The following ZNF679 variants were observed in gnomAD, a reference collection of about 807,000 sequenced individuals.
ZNF679 encodes zinc finger protein 679.
Under a neutral mutation model 13.4 loss-of-function variants are expected in ZNF679, and 10 were observed. The observed-to-expected ratio is 0.75, with a 90% CI of 0.46 to 1.27. The LOEUF (loss-of-function observed/expected upper bound fraction) is 1.27. Ranked by LOEUF, ZNF679 falls within the 50% of genes most tolerant of loss-of-function variation. The pLI is 0.00. For missense variants in ZNF679, 525 were observed against 477.8 expected, an observed-to-expected ratio of 1.10 and a Z score of -0.92; for synonymous variants, 179 against 162.5, an observed-to-expected ratio of 1.10 and a Z score of -0.77.
chr7:64,260,938 G>C lies in ZNF679; in HGVS notation c.262+9G>C. On this transcript the variant is annotated intron_variant, in intron 4 of 4. Coordinates refer to ENST00000421025, the MANE Select transcript of ZNF679 (RefSeq NM_153363.3). ...GGTAACCAAACACCCAGGTAAGTGAGAGTGGATGAAGCGGATGACACAGAT... is the reference window on the plus strand; with the variant it reads ...GGTAACCAAACACCCAGGTAAGTGACAGTGGATGAAGCGGATGACACAGAT... The C allele has an allele frequency of 1.2e-6, 2 of 1,607,830 alleles. No individual in the cohort carries two copies. Among genetic ancestry groups the C allele is most frequent in the Non-Finnish European group, 1.7e-6 (2 of 1,177,716 alleles).
chr7:64,247,886 C>T (rs184151408), intron 1 of ZNF679, among the ~76,000 whole-genome samples: 1 of 151,924 alleles, frequency 6.6e-6, no homozygotes, highest in Non-Finnish European at 1.5e-5. Flanking sequence ...TAATATTTGG[C>T]TACTAGCACA....
chr7:64,264,685 G>T (rs1000518646), intron 4 of ZNF679, among the ~76,000 whole-genome samples: 2 of 151,508 alleles, frequency 1.3e-5, no homozygotes, highest in Non-Finnish European at 2.9e-5. Flanking sequence ...TTTGACCATT[G>T]TACACAGTTC....
At chr7:64,256,094 T>G (rs564182401) in intron 2 of ZNF679, among the ~76,000 whole-genome samples, 1 of 152,298 alleles carries the variant, frequency 6.6e-6, no homozygotes, top group African/African-American at 2.4e-5. Flanking sequence ...TGAACTGGGC[T>G]TCAGTGTCTG....
rs554931433 is a variant in ZNF679 at position 64,235,310 on chromosome 7, A to G, written c.-91+6658A>G. 9.8e-3 allele frequency among the ~76,000 whole-genome samples: 744 copies of G among 75,770 alleles called. 7 individuals are homozygous for G. Among genetic ancestry groups the G allele is most frequent in the Admixed American group, 0.041 (338 of 8,286 alleles). The allele number at this position is 75,770 out of a possible 152,430, so 49.7% of individuals were successfully genotyped here. On this transcript the variant is annotated intron_variant, in intron 1 of 4. Transcript: ENST00000421025. The stretch of plus-strand genomic sequence containing the variant: ...ATATTGACAAAAAAAGAAAATAGAA[A>G]CAACATACAATAACTTCTGAGATAC...
At chr7:64,261,661 A>T (rs1788078765) in intron 4 of ZNF679, among the ~76,000 whole-genome samples, 1 of 152,032 alleles carries the variant, frequency 6.6e-6, no homozygotes, top group Non-Finnish European at 1.5e-5. Context: ...CAATTTCTTT[A>T]CATCAACATA....
intron 2 of ZNF679, among the ~76,000 whole-genome samples, chr7:64,256,388 G>A (rs1423581603): frequency 1.3e-5 from 2 of 152,176 alleles, no homozygotes; most frequent in Admixed American, 6.5e-5. Flanking sequence ...GTGTGTGCAT[G>A]TGTCTTTATG....
intron 1 of ZNF679, among the ~76,000 whole-genome samples, chr7:64,239,451 A>G (rs1364178637): frequency 6.6e-6 from 1 of 152,148 alleles, no homozygotes; most frequent in Admixed American, 6.6e-5. Flanking sequence ...TGCAGATGTA[A>G]CTGTGACATG....
In ZNF679 at chr7:64,260,485, G is replaced by A. The variant is rs576000188; in HGVS notation, c.166+138G>A. 3.9e-5 allele frequency: 53 copies of A among 1,352,326 alleles called. No individual in the cohort carries two copies. The African/African-American group carries it at 4.0e-4, about 10-fold the overall frequency. 83.8% of individuals were successfully genotyped at this position (1,352,326 alleles called of 1,614,324 possible). ...AAAATCTTGGGGATTCATTGGTGTA[G>A]AACAAATTCTTCAAGATGTTTTATC... is the stretch of plus-strand genomic sequence containing the variant. On this transcript the variant is annotated intron_variant, in intron 3 of 4. Transcript: ENST00000421025.
intron 1 of ZNF679, among the ~76,000 whole-genome samples, chr7:64,232,399 A>T (rs1319312753): frequency 2.6e-5 from 4 of 152,216 alleles, no homozygotes; most frequent in Non-Finnish European, 5.9e-5. Context: ...TACCTGTTGT[A>T]ATAAGCCTAA....
rs200907915 is a variant in ZNF679, at chr7:64,266,492, A to T, written c.859A>T (p.Lys287Ter). ...FSRSSTLANH[K>*]RIHTGEKPYT... ...CCGCTCCTCAACACTTGCTAACCAC[A>T]AGAGAATTCATACTGGAGAGAAACC... Residue 287 changes from lysine to a stop codon, truncating the protein, a stop_gained, in exon 5 of 5, where the codon AAG becomes TAG. Transcript: ENST00000421025. LOFTEE classifies it low-confidence loss of function (END_TRUNC). The T allele has an allele frequency of 5.0e-6, 8 of 1,613,450 alleles. No homozygotes were observed. The highest frequency in any genetic ancestry group is 6.8e-6 in the Non-Finnish European group (8 of 1,179,822).
chr7:64,234,619 A>G (rs947933565), intron 1 of ZNF679, among the ~76,000 whole-genome samples: 2 of 152,152 alleles, frequency 1.3e-5, no homozygotes, highest in East Asian at 1.9e-4. Context: ...AGCCTGGTTG[A>G]TATACTGACT....
chr7:64,251,637 T>G (rs2116532757), intron 2 of ZNF679, among the ~76,000 whole-genome samples: 1 of 152,326 alleles, frequency 6.6e-6, no homozygotes, highest in South Asian at 2.1e-4. Flanking sequence ...AGGTTTTTCC[T>G]GGTTCTGGGT....
chr7:64,249,304 C>T (rs931032342), intron 2 of ZNF679, 148 bp downstream of exon 2: 1 of 1,321,830 alleles, frequency 7.6e-7, no homozygotes, highest in Non-Finnish European at 1.1e-6. Flanking sequence ...CTGTTAGTCC[C>T]CTCGAGCCAT....
chr7:64,259,351 T>C (rs906226550), intron 2 of ZNF679, among the ~76,000 whole-genome samples: 3 of 152,194 alleles, frequency 2.0e-5, no homozygotes, highest in African/African-American at 7.2e-5. Context: ...ATACTCAAGA[T>C]TTTTACTGGG....
intron 1 of ZNF679, among the ~76,000 whole-genome samples, chr7:64,246,058 A>G (rs2116524398): frequency 6.6e-6 from 1 of 152,332 alleles, no homozygotes; most frequent in East Asian, 1.9e-4. Context: ...CCATAATGCC[A>G]AATCTAATCT....
chr7:64,229,568 A>G (rs1417224541), intron 1 of ZNF679, among the ~76,000 whole-genome samples: 2 of 152,162 alleles, frequency 1.3e-5, no homozygotes, highest in Non-Finnish European at 2.9e-5. Context: ...GGATGTGCCT[A>G]TGAGAGTCAC....
In ZNF679 at chr7:64,266,852, C is replaced by A. The variant is rs1788162477; in HGVS notation, c.1219C>A (p.Pro407Thr). 7 of 1,578,378 alleles carry A rather than the reference C, an allele frequency of 4.4e-6. No homozygotes were observed. Among genetic ancestry groups the A allele is most frequent in the Non-Finnish European group, 6.0e-6 (7 of 1,161,950 alleles). Residue 407 changes from proline to threonine, a missense_variant, in exon 5 of 5, where the codon CCC becomes ACC. Transcript: ENST00000421025. ...NHKSMHTGEKPYKCE is the reference protein window; with the variant it reads ...NHKSMHTGEKTYKCE ...TAAGAGTATGCATACTGGAGAGAAA[C>A]CCTACAAATGTGAATAATGTGATAA...
intron 1 of ZNF679, among the ~76,000 whole-genome samples, chr7:64,239,150 G>A (rs376961710): frequency 4.2e-4 from 64 of 152,138 alleles, no homozygotes; most frequent in African/African-American, 1.5e-3. Flanking sequence ...CATGATTGAG[G>A]TTCTGAATCT....
intron 1 of ZNF679, among the ~76,000 whole-genome samples, chr7:64,236,697 A>G (rs1241594479): frequency 6.6e-6 from 1 of 151,292 alleles, no homozygotes; most frequent in African/African-American, 2.4e-5. Context: ...CAGAAGCATC[A>G]CTGAAACTCA....
Sources: allele counts gnomAD v4.1 joint callset (sites outside exome capture counted in the v4.1 genomes callset), GRCh38; gene constraint gnomAD v4.1.1; transcripts MANE v1.5; gene names NCBI Gene and HGNC (gene_info 2026-07-23, HGNC 2026-07-21).